Variants in RASAL2 observed in about 807,000 individuals in gnomAD.
RASAL2 encodes ras GTPase-activating protein nGAP.
In RASAL2, 58 loss-of-function variants were observed where a neutral mutation model predicts 128.9. The ratio of observed to expected loss-of-function variants is 0.45; its 90% CI spans 0.36 to 0.56. RASAL2 has a LOEUF of 0.56. Ranked by LOEUF, RASAL2 falls within the 20% of genes least tolerant of loss-of-function variation. RASAL2 has a pLI of 0.00. For missense variants in RASAL2, 1,360 were observed against 1,601.6 expected, an observed-to-expected ratio of 0.85 and a Z score of 2.57; for synonymous variants, 561 against 580.8, an observed-to-expected ratio of 0.97 and a Z score of 0.49.
At position 178,377,098 on chromosome 1, in the gene RASAL2, A is replaced by G. The variant is rs191452287; in HGVS notation, c.458-13002A>G. Reference sequence around the variant, plus strand: ...TTCATTTTACTTCATAGAGTGAAGTAATTTATGTGATGGAATAGTTCTATG... The same window carrying G: ...TTCATTTTACTTCATAGAGTGAAGTGATTTATGTGATGGAATAGTTCTATG... On this transcript the variant is annotated intron_variant, in intron 3 of 17. Transcript: ENST00000367649. Among the ~76,000 whole-genome samples the G allele has an allele frequency of 3.9e-4, 59 of 152,302 alleles. 1 individual carries two copies. The East Asian group carries it at 9.8e-3, about 25-fold the overall frequency.
At chr1:178,232,328 G>A (rs557390021) in intron 1 of RASAL2, among the ~76,000 whole-genome samples, 8 of 152,216 alleles carry the variant, frequency 5.3e-5, no homozygotes, top group Middle Eastern at 3.4e-3. Context: ...TTTTAAAGTT[G>A]TAAGGAGCAC....
At chr1:178,131,036 A>C (rs534334832) in intron 1 of RASAL2, among the ~76,000 whole-genome samples, 7 of 151,876 alleles carry the variant, frequency 4.6e-5, no homozygotes, top group East Asian at 3.9e-4. Flanking sequence ...GCCTGGGTGA[A>C]AGAGCGAGAC....
At chr1:178,344,364 T>C (rs1670038889) in intron 3 of RASAL2, among the ~76,000 whole-genome samples, 3 of 152,168 alleles carry the variant, frequency 2.0e-5, no homozygotes, top group African/African-American at 7.2e-5. Context: ...AAGAATGAAA[T>C]ATCTTCAAAG....
chr1:178,460,497 A>G (rs1678114412), intron 14 of RASAL2, among the ~76,000 whole-genome samples: 1 of 152,194 alleles, frequency 6.6e-6, no homozygotes, highest in Non-Finnish European at 1.5e-5. Context: ...TCTGTGGGTT[A>G]TGATTAGAGG....
chr1:178,131,079 A>C (rs181586466), intron 1 of RASAL2, among the ~76,000 whole-genome samples: 4 of 150,722 alleles, frequency 2.7e-5, no homozygotes, highest in African/African-American at 9.7e-5. Flanking sequence ...AAAAAACAAA[A>C]AAAACCAAAA....
chr1:178,269,368 T>C (rs1666136026), intron 1 of RASAL2, among the ~76,000 whole-genome samples: 1 of 152,236 alleles, frequency 6.6e-6, no homozygotes, highest in South Asian at 2.1e-4. Flanking sequence ...TTCCCCCATT[T>C]TGAAGGAGGA....
intron 1 of RASAL2, among the ~76,000 whole-genome samples, chr1:178,199,991 A>G (rs1301581929): frequency 6.6e-6 from 1 of 152,196 alleles, no homozygotes; most frequent in Non-Finnish European, 1.5e-5. Flanking sequence ...TGCCCTGAAC[A>G]TCGGGCTCCA....
chr1:178,150,786 A>G (rs1018822514), intron 1 of RASAL2, among the ~76,000 whole-genome samples: 1 of 152,322 alleles, frequency 6.6e-6, no homozygotes, highest in Admixed American at 6.5e-5. Context: ...CTTGCAGAGC[A>G]GCAAAAATTT....
At chr1:178,472,966 C>A in intron 17 of RASAL2, 109 bp from the exon 18 acceptor site, 2 of 1,276,258 alleles carry the variant, frequency 1.6e-6, no homozygotes, top group Admixed American at 2.0e-5. Context: ...GTCTGGGAAG[C>A]ACCATGCATA....
chr1:178,390,342 G>A, intron 4 of RASAL2, 136 bp downstream of exon 4: 2 of 591,794 alleles, frequency 3.4e-6, no homozygotes, highest in Non-Finnish European at 5.7e-6. Flanking sequence ...TTAAAGGATA[G>A]ACTCATCAAC....
At chr1:178,385,134 A>G (rs975328483) in intron 3 of RASAL2, among the ~76,000 whole-genome samples, 1 of 152,232 alleles carries the variant, frequency 6.6e-6, no homozygotes, top group Non-Finnish European at 1.5e-5. Context: ...TTTATTCTGT[A>G]TCACATTCAT....
At chr1:178,184,039 C>T (rs978774355) in intron 1 of RASAL2, among the ~76,000 whole-genome samples, 14 of 152,070 alleles carry the variant, frequency 9.2e-5, no homozygotes, top group African/African-American at 2.7e-4. Flanking sequence ...TGTTGCATTC[C>T]CCTAATGAAA....
chr1:178,321,241 G>A (rs1379798474), intron 3 of RASAL2, among the ~76,000 whole-genome samples: 1 of 151,932 alleles, frequency 6.6e-6, no homozygotes. Context: ...TTGCCACCAT[G>A]CATGGCTAAT....
intron 1 of RASAL2, among the ~76,000 whole-genome samples, chr1:178,172,188 A>G (rs1558094609): frequency 2.6e-5 from 4 of 152,020 alleles, no homozygotes; most frequent in Admixed American, 6.6e-5. Flanking sequence ...CCATTTTACC[A>G]TGCCATCTTT....
intron 1 of RASAL2, among the ~76,000 whole-genome samples, chr1:178,236,756 C>CTTTT (rs549848632): frequency 3.0e-4 from 36 of 118,436 alleles, no homozygotes; most frequent in Middle Eastern, 5.1e-3. Flanking sequence ...TTGGACACTA[C>CTTTT]TTTTTTTTTT....
At chr1:178,370,483 G>A (rs1052086074) in intron 3 of RASAL2, among the ~76,000 whole-genome samples, 2 of 152,102 alleles carry the variant, frequency 1.3e-5, no homozygotes, top group African/African-American at 2.4e-5. Flanking sequence ...TCAATTTTTT[G>A]TAGTTATTTT....
intron 3 of RASAL2, among the ~76,000 whole-genome samples, chr1:178,357,127 G>A (rs1670852589): frequency 6.6e-6 from 1 of 152,154 alleles, no homozygotes; most frequent in Admixed American, 6.6e-5. Context: ...TATTTTGATA[G>A]ATGCTGTTAA....
intron 1 of RASAL2, among the ~76,000 whole-genome samples, chr1:178,142,605 GC>G (rs1273558658): frequency 6.6e-6 from 1 of 152,118 alleles, no homozygotes; most frequent in Non-Finnish European, 1.5e-5. Context: ...TCTTGGGTTA[GC>G]TTTTTTAGAT....
intron 2 of RASAL2, among the ~76,000 whole-genome samples, chr1:178,290,944 G>A (rs1667256682): frequency 6.6e-6 from 1 of 152,158 alleles, no homozygotes; most frequent in Admixed American, 6.5e-5. Context: ...CCAAAGTGCT[G>A]GGATTATAGG....
Sources: gnomAD v4.1 joint callset for allele counts (sites outside exome capture counted in the v4.1 genomes callset) on GRCh38, gnomAD v4.1.1 for gene constraint, MANE v1.5 for transcripts, NCBI Gene and HGNC (gene_info 2026-07-23, HGNC 2026-07-21) for gene names.